IL1RAPL2: variants seen among roughly 807,000 people sequenced by gnomAD.
IL1RAPL2 encodes the protein interleukin 1 receptor accessory protein like 2, also known as X-linked interleukin-1 receptor accessory protein-like 2.
A neutral mutation model predicts 44.1 loss-of-function variants in IL1RAPL2; 3 were observed. That is an observed-to-expected ratio of 0.07 (90% CI 0.03 to 0.18). IL1RAPL2 has a LOEUF of 0.18. Among genes scored for constraint, IL1RAPL2 ranks in the 10% least tolerant of loss-of-function variants. The pLI, the probability that IL1RAPL2 is intolerant of heterozygous loss-of-function variation, is 1.00. For synonymous variants in IL1RAPL2, 181 were observed against 178.8 expected, an observed-to-expected ratio of 1.01 and a Z score of -0.10; for missense variants, 391 against 496.4, an observed-to-expected ratio of 0.79 and a Z score of 2.02.
At chrX:105,706,354 G>A (rs1170007971) in intron 6 of IL1RAPL2, among the ~76,000 whole-genome samples, 1 of 112,082 alleles carries the variant, frequency 8.9e-6, no homozygotes, top group Admixed American at 9.5e-5. Context: ...AAAGAATGGA[G>A]AACTTCCTTA....
intron 6 of IL1RAPL2, among the ~76,000 whole-genome samples, chrX:105,640,743 GATAGATATAGAT>G (rs55841072): frequency 0.38 from 29,637 of 77,014 alleles, 5,079 homozygotes; most frequent in Middle Eastern, 0.41. Context: ...TATAGATATA[GATAGATATAGAT>G]ATAGATATAG....
At chrX:104,677,986 G>C (rs1033214737) in intron 2 of IL1RAPL2, among the ~76,000 whole-genome samples, 14 of 112,080 alleles carry the variant, frequency 1.2e-4, no homozygotes, top group Non-Finnish European at 2.4e-4. Context: ...ACTGACCTGC[G>C]CCCACTGTCT....
intron 10 of IL1RAPL2, among the ~76,000 whole-genome samples, chrX:105,756,625 G>A (rs2038641772): frequency 9.0e-6 from 1 of 111,656 alleles, no homozygotes; most frequent in Non-Finnish European, 1.9e-5. Context: ...AATATTTACT[G>A]GTTTATTTTT....
chrX:105,426,777 C>A (rs2035813886), intron 5 of IL1RAPL2, among the ~76,000 whole-genome samples: 1 of 110,983 alleles, frequency 9.0e-6, no homozygotes, highest in African/African-American at 3.3e-5. Flanking sequence ...TTCCTTCTCC[C>A]ACACCTCATT....
intron 7 of IL1RAPL2, among the ~76,000 whole-genome samples, chrX:105,727,736 C>T (rs1270700551): frequency 8.9e-6 from 1 of 111,787 alleles, no homozygotes; most frequent in Non-Finnish European, 1.9e-5. Context: ...AAATAATGCA[C>T]AGTAGTTTGA....
At chrX:104,666,968 G>T (rs993381441) in intron 2 of IL1RAPL2, among the ~76,000 whole-genome samples, 4 of 111,599 alleles carry the variant, frequency 3.6e-5, no homozygotes. Context: ...GACTGTCATA[G>T]AGAAGCATGA....
chrX:105,442,360 G>A (rs983265298), intron 5 of IL1RAPL2, among the ~76,000 whole-genome samples: 9 of 111,062 alleles, frequency 8.1e-5, no homozygotes, highest in African/African-American at 1.3e-4. Context: ...CACCGTGCCC[G>A]GCCATGAATT....
chrX:105,216,088 C>G (rs782031051), intron 3 of IL1RAPL2, among the ~76,000 whole-genome samples: 29 of 111,193 alleles, frequency 2.6e-4, no homozygotes, highest in African/African-American at 9.5e-4. Flanking sequence ...CTATTCAACA[C>G]AGTGTTGGAA....
At chrX:105,178,052 T>C (rs748076470) in intron 2 of IL1RAPL2, among the ~76,000 whole-genome samples, 3 of 111,968 alleles carry the variant, frequency 2.7e-5, no homozygotes, top group Non-Finnish European at 5.6e-5. Flanking sequence ...AGTCACCTTA[T>C]TCTGCTATGA....
At chrX:105,044,566 A>G (rs1197969180) in intron 2 of IL1RAPL2, among the ~76,000 whole-genome samples, 1 of 111,739 alleles carries the variant, frequency 8.9e-6, no homozygotes, top group Non-Finnish European at 1.9e-5. Context: ...AAAGGCAAGA[A>G]GCAAGCCCAT....
At chrX:105,126,895 C>T (rs957321733) in intron 2 of IL1RAPL2, among the ~76,000 whole-genome samples, 3 of 111,040 alleles carry the variant, frequency 2.7e-5, no homozygotes, top group Admixed American at 9.6e-5. Flanking sequence ...TTGGGCATTG[C>T]TTCCAGTTTC....
chrX:105,532,957 C>T (rs1452427471), intron 6 of IL1RAPL2, among the ~76,000 whole-genome samples: 2 of 110,416 alleles, frequency 1.8e-5, no homozygotes, highest in East Asian at 2.8e-4. Flanking sequence ...TTTGGGAGGC[C>T]GAGGCGGGTG....
At chrX:105,733,133 A>C (rs929725544) in intron 7 of IL1RAPL2, among the ~76,000 whole-genome samples, 8 of 111,523 alleles carry the variant, frequency 7.2e-5, no homozygotes, top group African/African-American at 2.6e-4. Context: ...AATTTAACTG[A>C]ATATCACATT....
chrX:105,090,020 G>C (rs954484591), intron 2 of IL1RAPL2, among the ~76,000 whole-genome samples: 11 of 111,741 alleles, frequency 9.8e-5, no homozygotes, highest in African/African-American at 2.9e-4. Flanking sequence ...AGGGGGATGG[G>C]AGAGAGTAAG....
At chrX:105,507,120 G>T (rs147836025) in intron 6 of IL1RAPL2, among the ~76,000 whole-genome samples, 3,863 of 111,326 alleles carry the variant, frequency 0.035, 69 homozygotes, top group Middle Eastern at 0.065. Flanking sequence ...CAGAAATTGG[G>T]CTCTGGCTAT....
chrX:104,586,225 G>A (rs1490345768), intron 1 of IL1RAPL2, among the ~76,000 whole-genome samples: 1 of 111,220 alleles, frequency 9.0e-6, no homozygotes. Context: ...TCATATGCTT[G>A]TTGGCCACAT....
At chrX:105,470,181 A>G (rs2036156881) in intron 5 of IL1RAPL2, among the ~76,000 whole-genome samples, 1 of 111,591 alleles carries the variant, frequency 9.0e-6, no homozygotes, top group Non-Finnish European at 1.9e-5. Context: ...CCAGCTTTCC[A>G]GCTTATATAT....
At chrX:104,943,074 T>A (rs1043411409) in intron 2 of IL1RAPL2, among the ~76,000 whole-genome samples, 4 of 111,574 alleles carry the variant, frequency 3.6e-5, no homozygotes, top group Non-Finnish European at 5.6e-5. Context: ...AGCTTTTTGA[T>A]GTGCTGCTGG....
chrX:105,489,863 T>A (rs2147778288), intron 6 of IL1RAPL2, among the ~76,000 whole-genome samples: 1 of 105,168 alleles, frequency 9.5e-6, no homozygotes, highest in South Asian at 4.6e-4. Context: ...AGCCTTGCTC[T>A]GTCACACGGG....
Sources: allele counts gnomAD v4.1 joint callset (sites outside exome capture counted in the v4.1 genomes callset), GRCh38; gene constraint gnomAD v4.1.1; transcripts MANE v1.5; gene names NCBI Gene and HGNC (gene_info 2026-07-23, HGNC 2026-07-21).